JAM2: variants seen among roughly 807,000 people sequenced by gnomAD.
The protein encoded by JAM2 is junctional adhesion molecule B.
A neutral mutation model predicts 42.0 loss-of-function variants in JAM2; 17 were observed. That is an observed-to-expected ratio of 0.40 (90% confidence interval 0.28 to 0.61). The LOEUF (loss-of-function observed/expected upper bound fraction) is 0.61, where lower values mean the gene tolerates loss of function less well. Ranked by LOEUF, JAM2 falls within the 20% of genes least tolerant of loss-of-function variation. JAM2 has a pLI of 0.37. For synonymous variants in JAM2, 118 were observed against 128.6 expected (o/e 0.92, Z 0.56); for missense variants, 319 against 358.3 (o/e 0.89, Z 0.89).
chr21:25,650,118 C>T (rs1293467147), intron 1 of JAM2, among the ~76,000 whole-genome samples: 1 of 152,170 alleles, frequency 6.6e-6, no homozygotes, highest in Non-Finnish European at 1.5e-5. Flanking sequence ...ACCCAAACAC[C>T]TCTTAAAGGT....
Position 25,688,543 on chromosome 21 carries a change from C to T in JAM2, c.134-1323C>T, listed in dbSNP as rs147511753. ...TTCCTCAGACAGGTCCCTTAGCACA[C>T]GTTTGTCTTTGTAGCATAATTGTAA... On this transcript the variant is annotated intron_variant, in intron 2 of 9. Transcript: ENST00000480456. 3.3e-5 allele frequency among the ~76,000 whole-genome samples: 5 copies of T among 152,308 alleles called. No individual in the cohort carries two copies. In the East Asian group the frequency reaches 7.7e-4, roughly 24 times the overall value.
Position 25,663,725 on chromosome 21 carries a change from C to T in JAM2, c.68-20158C>T, listed in dbSNP as rs145750318. 4.6e-5 allele frequency among the ~76,000 whole-genome samples: 7 copies of T among 152,268 alleles called. No individual in the cohort carries two copies. In the East Asian group the frequency reaches 1.4e-3, roughly 29 times the overall value. On this transcript the variant is annotated intron_variant, in intron 1 of 9. Coordinates refer to ENST00000480456, the MANE Select transcript of JAM2 (RefSeq NM_021219.4). The stretch of plus-strand genomic sequence containing the variant: ...CAGAGAGTCCCCACCAGCAAGAAGA[C>T]CCTCATCAGATGTGACCCCTCTACC...
In JAM2 at chr21:25,639,873, G is replaced by A; in HGVS notation, c.52G>A (p.Val18Met). ...CCTCCTGCTGCTGCTGCGCTACCTG[G>A]TGGTCGCCCTGGGCTGTAAGTTGCT... ...RLLLLLLRYL[V>M]VALGYHKAYG... Residue 18 changes from valine to methionine, a missense_variant, in exon 1 of 10, where the codon GTG becomes ATG. Val to Met is a conservative substitution (Grantham distance 21). Transcript: ENST00000480456. 1 of 1,593,088 alleles carries A rather than the reference G, an allele frequency of 6.3e-7. No homozygotes were observed. Among genetic ancestry groups the A allele is most frequent in the East Asian group, 2.3e-5 (1 of 43,942 alleles).
chr21:25,689,019 GTT>G (rs67360261), intron 2 of JAM2, among the ~76,000 whole-genome samples: 17 of 142,988 alleles, frequency 1.2e-4, no homozygotes, highest in African/African-American at 3.3e-4. Context: ...TGGGTTTTTT[GTT>G]TTTTTTTTTT....
chr21:25,693,749 C>G lies in JAM2; in HGVS notation c.242-7C>G. 1 of 1,610,700 alleles carries G rather than the reference C, an allele frequency of 6.2e-7. No homozygotes were observed. On this transcript the variant is annotated splice_polypyrimidine_tract_variant and splice_region_variant and intron_variant, in intron 3 of 9. Coordinates refer to ENST00000480456, the MANE Select transcript of JAM2 (RefSeq NM_021219.4). ...TTACTAACATCAATGTCTTCTTTTT[C>G]TAAAAGGTGATTTTAAAAATCGAGC...
intron 1 of JAM2, among the ~76,000 whole-genome samples, chr21:25,643,197 A>G (rs761650963): frequency 2.0e-5 from 3 of 152,252 alleles, no homozygotes; most frequent in Non-Finnish European, 4.4e-5. Context: ...AATATAAATC[A>G]TGAAGCTCTA....
At chr21:25,684,220 G>T (rs2033700199) in intron 2 of JAM2, among the ~76,000 whole-genome samples, 1 of 152,178 alleles carries the variant, frequency 6.6e-6, no homozygotes, top group Admixed American at 6.5e-5. Flanking sequence ...TTGTGAAACT[G>T]GGAGATGGAG....
At chr21:25,675,024 G>A (rs1284333707) in intron 1 of JAM2, among the ~76,000 whole-genome samples, 1 of 152,092 alleles carries the variant, frequency 6.6e-6, no homozygotes, top group Admixed American at 6.6e-5. Context: ...AAAGACAAGA[G>A]GTTGAACTGG....
Position 25,714,756 on chromosome 21 carries a change from T to G in JAM2, c.*84T>G. 1 of 865,356 alleles carries G rather than the reference T, an allele frequency of 1.2e-6. No homozygotes were observed. The highest frequency in any genetic ancestry group is 2.2e-5 in the South Asian group (1 of 45,028). The allele number at this position is 865,356 out of a possible 1,614,324, so 53.6% of individuals were successfully genotyped here. Reference sequence around the variant, plus strand: ...ATAAAACTCTGCTTTGTCCGACATTTGCAAAGAGGTACACGAGGAAATGGA... The same window carrying G: ...ATAAAACTCTGCTTTGTCCGACATTGGCAAAGAGGTACACGAGGAAATGGA... On this transcript the variant is annotated 3_prime_UTR_variant, in exon 10 of 10. Coordinates refer to ENST00000480456, the MANE Select transcript of JAM2 (RefSeq NM_021219.4).
Position 25,714,927 on chromosome 21 carries a change from G to A in JAM2, c.*255G>A, listed in dbSNP as rs950277799. ...AATTAAAATACTTTGTAATGTCCTG[G>A]GCTTTGGGAAATGTTAACCACGTCC... On this transcript the variant is annotated 3_prime_UTR_variant, in exon 10 of 10. Coordinates refer to ENST00000480456, the MANE Select transcript of JAM2 (RefSeq NM_021219.4). The A allele has an allele frequency of 3.7e-5, 12 of 327,902 alleles. No individual in the cohort carries two copies. In the Admixed American group the frequency reaches 5.9e-4, roughly 16 times the overall value. 20.3% of individuals were successfully genotyped at this position (327,902 alleles called of 1,614,324 possible).
chr21:25,695,125 C>T (rs991719255), intron 4 of JAM2, among the ~76,000 whole-genome samples: 27 of 152,034 alleles, frequency 1.8e-4, no homozygotes, highest in Non-Finnish European at 3.2e-4. Context: ...GAGGACCCTG[C>T]GGCCTTCCGC....
chr21:25,680,988 G>A (rs574452351), intron 1 of JAM2, among the ~76,000 whole-genome samples: 10 of 152,260 alleles, frequency 6.6e-5, no homozygotes, highest in East Asian at 3.9e-4. Flanking sequence ...AAAAGTGTCC[G>A]TTAGATATGC....
chr21:25,707,601 C>T (rs1157201172), intron 7 of JAM2, among the ~76,000 whole-genome samples: 1 of 151,838 alleles, frequency 6.6e-6, no homozygotes, highest in Non-Finnish European at 1.5e-5. Context: ...AACTTCACAC[C>T]TCCATTTGAT....
chr21:25,659,082 C>G (rs1158363271), intron 1 of JAM2, among the ~76,000 whole-genome samples: 1 of 152,036 alleles, frequency 6.6e-6, no homozygotes, highest in African/African-American at 2.4e-5. Flanking sequence ...AAGCCATAAG[C>G]CTGTAATAAA....
At chr21:25,692,345 C>G (rs1010981516) in intron 3 of JAM2, 1 of 165,378 alleles carries the variant, frequency 6.0e-6, no homozygotes, top group African/African-American at 2.4e-5. Context: ...CTTGCTCTGT[C>G]ACCTCATTTT....
At chr21:25,663,549 C>T (rs2033143947) in intron 1 of JAM2, among the ~76,000 whole-genome samples, 2 of 152,064 alleles carry the variant, frequency 1.3e-5, no homozygotes, top group South Asian at 4.2e-4. Context: ...AATGGATTAA[C>T]CCATTCATAG....
chr21:25,703,856 A>G (rs2034217886), intron 6 of JAM2, among the ~76,000 whole-genome samples: 1 of 152,138 alleles, frequency 6.6e-6, no homozygotes, highest in South Asian at 2.1e-4. Context: ...CTTGCTCAAC[A>G]TCACAGAAAA....
At chr21:25,713,452 G>GGATTTAGAGCCCTAAGTC (rs1419592899) in intron 9 of JAM2, among the ~76,000 whole-genome samples, 5 of 151,130 alleles carry the variant, frequency 3.3e-5, no homozygotes, top group African/African-American at 9.7e-5. Flanking sequence ...GAGTTCCTAT[G>GGATTTAGAGCCCTAAGTC]GTTTTAGAGG....
intron 1 of JAM2, among the ~76,000 whole-genome samples, chr21:25,657,659 G>A (rs1243573206): frequency 6.6e-5 from 10 of 152,108 alleles, no homozygotes; most frequent in Non-Finnish European, 1.5e-4. Context: ...GTAATCATAT[G>A]GTTTTAGAAA....
Sources: gnomAD v4.1 joint callset for allele counts (sites outside exome capture counted in the v4.1 genomes callset) on GRCh38, gnomAD v4.1.1 for gene constraint, MANE v1.5 for transcripts, NCBI Gene and HGNC (gene_info 2026-07-23, HGNC 2026-07-21) for gene names.